MYL4: variants seen among roughly 807,000 people sequenced by gnomAD.
The protein encoded by MYL4 is atrial myosin light chain 1.
MYL4 carries 16 observed loss-of-function variants against 21.6 expected under a neutral mutation model. The ratio of observed to expected loss-of-function variants is 0.74; its 90% CI spans 0.50 to 1.12. The LOEUF (loss-of-function observed/expected upper bound fraction) is 1.12. Among genes scored for constraint, MYL4 ranks in the 50% most tolerant of loss-of-function variants. The pLI, the probability that MYL4 is intolerant of heterozygous loss-of-function variation, is 0.00. For missense variants in MYL4, 249 were observed against 252.9 expected, an observed-to-expected ratio of 0.98 and a Z score of 0.11; for synonymous variants, 82 against 95.7, an observed-to-expected ratio of 0.86 and a Z score of 0.83.
chr17:47,194,092 T>C, the MYL4 span, among the ~76,000 whole-genome samples: 2 of 152,222 alleles, frequency 1.3e-5, no homozygotes, highest in East Asian at 3.8e-4. Context: ...TACAAATGGT[T>C]TGAAAAATTT....
In MYL4 at chr17:47,209,458, A is replaced by G. The variant is rs1206550289; in HGVS notation, c.36A>G (p.Ala12=). The G allele has an allele frequency of 1.9e-6, 3 of 1,614,208 alleles. No individual in the cohort carries two copies. The highest frequency in any genetic ancestry group is 8.5e-7 in the Non-Finnish European group (1 of 1,180,034). Residue 12 remains alanine, a synonymous_variant, in exon 1 of 7, where the codon GCA becomes GCG. Transcript: ENST00000393450. ...AGAAGCCTGAGCCTAAGAAGGAGGCAGCCAAGCCAGCTCCAGCTCCAGCTC... is the reference window on the plus strand; with the variant it reads ...AGAAGCCTGAGCCTAAGAAGGAGGCGGCCAAGCCAGCTCCAGCTCCAGCTC... ...APKKPEPKKE[A]AKPAPAPAPA...
At chr17:47,213,854 T>C (rs200255259) in intron 2 of MYL4, 28 bp downstream of exon 2, 12 of 1,611,902 alleles carry the variant, frequency 7.4e-6, no homozygotes, top group Non-Finnish European at 1.0e-5. Context: ...CACCTCTCCG[T>C]CTCTATTGCA....
At chr17:47,224,690 A>G (rs115276353), downstream of MYL4, among the ~76,000 whole-genome samples, 304 of 152,284 alleles carry the variant, frequency 2.0e-3, 1 homozygote, top group African/African-American at 5.6e-3. Context: ...AGGCGGAATC[A>G]TGTCCCATTG....
upstream of MYL4, chr17:47,209,233 A>T: frequency 1.4e-6 from 1 of 737,882 alleles, no homozygotes; most frequent in East Asian, 2.4e-5. Context: ...TGTCAGCTGT[A>T]CCCTGCTGGC....
At chr17:47,209,824 TG>T (rs566166378) in intron 1 of MYL4, 256 of 561,012 alleles carry the variant, frequency 4.6e-4, no homozygotes, top group African/African-American at 3.9e-3. Flanking sequence ...AAGTTGGGAA[TG>T]GGGGGAGGTA....
rs995662299 is a variant in MYL4, at chr17:47,222,461, T to C, written c.565+4T>C. The C allele has an allele frequency of 2.5e-6, 4 of 1,614,020 alleles. No homozygotes were observed. The highest frequency in any genetic ancestry group is 3.4e-6 in the Non-Finnish European group (4 of 1,179,962). On this transcript the variant is annotated splice_donor_region_variant and intron_variant, in intron 5 of 6. Transcript: ENST00000393450. ...AATGGCTGCATCAATTATGAAGGTA[T>C]TAAGCCGCGCCTTGCATCCCAGGGC...
chr17:47,222,545 A>G (rs1445470446), intron 5 of MYL4, 88 bp downstream of exon 5: 5 of 1,296,998 alleles, frequency 3.9e-6, no homozygotes, highest in South Asian at 2.5e-5. Context: ...GCTGGAGGGT[A>G]TGTGTCTGAG....
intron 6 of MYL4, 45 bp downstream of exon 6, chr17:47,223,102 G>A (rs2064869087): frequency 3.8e-6 from 6 of 1,599,390 alleles, no homozygotes; most frequent in South Asian, 2.2e-5. Context: ...GGTCACATAG[G>A]GCCTTAAGAA....
chr17:47,212,479 G>A (rs1375446234), intron 1 of MYL4, among the ~76,000 whole-genome samples: 2 of 152,250 alleles, frequency 1.3e-5, no homozygotes, highest in Non-Finnish European at 2.9e-5. Flanking sequence ...CAATTAGGAA[G>A]CGTGGAGGGC....
chr17:47,221,853 T>A lies in MYL4; in HGVS notation c.485T>A (p.Leu162Gln). Residue 162 changes from leucine (L) to glutamine (Q), a missense_variant and splice_region_variant, in exon 4 of 7, where the codon CTG (leucine) becomes CAG (glutamine). Transcript: ENST00000393450. The stretch of plus-strand genomic sequence containing the variant: ...GAGCTTCGGCACGTCCTTGCCACCC[T>A]GGGTATGCCAGCTGGGCAGAGATGA... ...GAELRHVLAT[L>Q]GEKMTEAEVE... is the part of the protein sequence containing the mutation. 6.2e-7 allele frequency: 1 copy of A among 1,611,586 alleles called. No homozygotes were observed. Among genetic ancestry groups the A allele is most frequent in the South Asian group, 1.1e-5 (1 of 90,848 alleles).
At chr17:47,219,820 A>C (rs1040977434) in intron 2 of MYL4, 84 bp from the exon 3 acceptor site, 1 of 1,528,236 alleles carries the variant, frequency 6.5e-7, no homozygotes, top group African/African-American at 1.4e-5. Flanking sequence ...CTCACCTGCT[A>C]TTCAGCTTGG....
upstream of MYL4, among the ~76,000 whole-genome samples, chr17:47,207,160 A>C (rs1862904350): frequency 6.6e-6 from 1 of 152,138 alleles, no homozygotes; most frequent in Non-Finnish European, 1.5e-5. Flanking sequence ...GCTGGGCTAG[A>C]ATCTGGGCCC....
chr17:47,220,031 G>A lies in MYL4; in HGVS notation c.291G>A (p.Val97=). 2 of 1,613,804 alleles carry A rather than the reference G, an allele frequency of 1.2e-6. No homozygotes were observed. Among genetic ancestry groups the A allele is most frequent in the Non-Finnish European group, 1.7e-6 (2 of 1,179,810 alleles). The stretch of plus-strand genomic sequence containing the variant: ...CTACCAATGCCGAGGTGCTGCGTGT[G>A]CTGGGCAAGCCCAAGCCTGAAGGTC... The part of the protein sequence containing the change: ...QNPTNAEVLR[V]LGKPKPEEMN... The change falls in exon 3 of 7, where the codon GTG becomes GTA. Residue 97 remains valine (V), a synonymous_variant. Coordinates refer to ENST00000393450, the MANE Select transcript of MYL4 (RefSeq NM_002476.2).
At position 47,209,363 on chromosome 17, in the gene MYL4, C is replaced by T. The variant is rs573384799; in HGVS notation, c.-60C>T. ...CCAGGCTCCTATCTCATCTCCCAGA[C>T]GCCACGTCTCTCGGTTTCTTCTTAG... On this transcript the variant is annotated 5_prime_UTR_variant, in exon 1 of 7. The change creates a new upstream start codon in the 5' untranslated region. Coordinates refer to ENST00000393450, the MANE Select transcript of MYL4 (RefSeq NM_002476.2). The T allele has an allele frequency of 1.5e-4, 237 of 1,610,446 alleles. 1 individual carries two copies. Among genetic ancestry groups the T allele is most frequent in the African/African-American group, 1.9e-4 (14 of 74,968 alleles).
the MYL4 span, among the ~76,000 whole-genome samples, chr17:47,193,173 C>T: frequency 6.6e-6 from 1 of 151,348 alleles, no homozygotes. Flanking sequence ...ACCACCCCCA[C>T]CCCACCCTCA....
the MYL4 span, among the ~76,000 whole-genome samples, chr17:47,190,350 G>A: frequency 4.6e-5 from 7 of 152,196 alleles, no homozygotes; most frequent in Admixed American, 4.6e-4. Flanking sequence ...AGCATGCAAT[G>A]TAGACTCTCT....
At chr17:47,198,779 C>T (rs1319460687), upstream of MYL4, among the ~76,000 whole-genome samples, 1 of 151,464 alleles carries the variant, frequency 6.6e-6, no homozygotes, top group Non-Finnish European at 1.5e-5. Context: ...GCCAGGAGTT[C>T]GAGAACACCC....
intron 3 of MYL4, among the ~76,000 whole-genome samples, chr17:47,220,746 C>T (rs913681619): frequency 1.3e-5 from 2 of 152,110 alleles, no homozygotes; most frequent in African/African-American, 4.8e-5. Context: ...GGGAGTGTGT[C>T]CTGTTTGTGA....
chr17:47,225,793 C>A (rs115111250), downstream of MYL4, among the ~76,000 whole-genome samples: 2 of 151,712 alleles, frequency 1.3e-5, no homozygotes, highest in African/African-American at 4.9e-5. Flanking sequence ...ATCACACCCC[C>A]AGTTTGAAAT....
Sources: allele counts gnomAD v4.1 joint callset (sites outside exome capture counted in the v4.1 genomes callset), GRCh38; gene constraint gnomAD v4.1.1; transcripts MANE v1.5; gene names NCBI Gene and HGNC (gene_info 2026-07-23, HGNC 2026-07-21).